SLC12A2: variants seen among roughly 807,000 people sequenced by gnomAD.
The protein encoded by SLC12A2 is solute carrier family 12 member 2, also known as Na-K-2Cl cotransporter 1.
In SLC12A2, 67 loss-of-function variants were observed where a neutral mutation model predicts 136.3. That is an observed-to-expected ratio of 0.49 (90% CI 0.40 to 0.60). SLC12A2 has a LOEUF of 0.60. SLC12A2 is among the 20% of genes least tolerant of loss of function. SLC12A2 has a pLI of 0.00. For synonymous variants in SLC12A2, 619 were observed against 562.9 expected (o/e 1.10, Z -1.41); for missense variants, 1,322 against 1,534.7 (o/e 0.86, Z 2.32).
intron 4 of SLC12A2, 104 bp from the exon 5 acceptor site, chr5:128,130,963 T>G: frequency 2.9e-6 from 3 of 1,019,884 alleles, no homozygotes; most frequent in South Asian, 1.5e-5. Context: ...GCTCTGCTTA[T>G]TGGGGGCATC....
In SLC12A2 at chr5:128,188,146, A is replaced by G. The variant is rs1763924818; in HGVS notation, c.*1515A>G. On this transcript the variant is annotated 3_prime_UTR_variant, in exon 27 of 27. Coordinates refer to ENST00000262461, the MANE Select transcript of SLC12A2 (RefSeq NM_001046.3). Reference sequence around the variant, plus strand: ...AACAGATACAGGTTTCATAGAGAACAAAGGTGATCATTTGAAGGGCATGCT... The same window carrying G: ...AACAGATACAGGTTTCATAGAGAACGAAGGTGATCATTTGAAGGGCATGCT... 1 of 152,216 alleles carries G rather than the reference A, an allele frequency of 6.6e-6. No homozygotes were observed. The highest frequency in any genetic ancestry group is 2.1e-4 in the South Asian group (1 of 4,832). 9.4% of individuals were successfully genotyped at this position (152,216 alleles called of 1,614,324 possible).
At position 128,187,820 on chromosome 5, in the gene SLC12A2, G is replaced by C. The variant is rs1763914986; in HGVS notation, c.*1189G>C. Reference sequence around the variant, plus strand: ...GCCAGTTTGTGCTTTTGAAATGTCTGTTTTGACATCATAGTCTAGTAAAAT... The same window carrying C: ...GCCAGTTTGTGCTTTTGAAATGTCTCTTTTGACATCATAGTCTAGTAAAAT... On this transcript the variant is annotated 3_prime_UTR_variant, in exon 27 of 27. Coordinates refer to ENST00000262461, the MANE Select transcript of SLC12A2 (RefSeq NM_001046.3). 6.6e-6 allele frequency: 1 copy of C among 152,494 alleles called. No homozygotes were observed. The highest frequency in any genetic ancestry group is 2.4e-5 in the African/African-American group (1 of 41,414). 9.4% of individuals were successfully genotyped at this position (152,494 alleles called of 1,614,324 possible).
At position 128,138,561 on chromosome 5, in the gene SLC12A2, C is replaced by T. The variant is rs776621321; in HGVS notation, c.1409-36C>T. 9 of 1,580,212 alleles carry T rather than the reference C, an allele frequency of 5.7e-6. No homozygotes were observed. The South Asian group carries it at 8.2e-5, about 14-fold the overall frequency. On this transcript the variant is annotated intron_variant, in intron 7 of 26. Coordinates refer to ENST00000262461, the MANE Select transcript of SLC12A2 (RefSeq NM_001046.3). The stretch of plus-strand genomic sequence containing the variant: ...CTCAGTTATTATAGTCTAATTTGCT[C>T]TCCATTAATTGTCAAGAATATTTTG...
intron 1 of SLC12A2, among the ~76,000 whole-genome samples, chr5:128,089,495 C>A (rs941898129): frequency 6.6e-6 from 1 of 152,210 alleles, no homozygotes; most frequent in African/African-American, 2.4e-5. Flanking sequence ...CTCTCTTTAT[C>A]TTTTCTATCC....
At chr5:128,102,819 C>T (rs1234812102) in intron 1 of SLC12A2, among the ~76,000 whole-genome samples, 1 of 151,144 alleles carries the variant, frequency 6.6e-6, no homozygotes, top group African/African-American at 2.4e-5. Context: ...TGGAGTTTCA[C>T]CTTTGTTGCC....
intron 18 of SLC12A2, 94 bp downstream of exon 18, chr5:128,167,961 C>T (rs1397275547): frequency 9.3e-6 from 6 of 644,796 alleles, no homozygotes; most frequent in Non-Finnish European, 1.5e-5. Flanking sequence ...CTCATATAGT[C>T]TCTTGTAATG....
Position 128,138,753 on chromosome 5 carries a change from A to T in SLC12A2, c.1536+29A>T, listed in dbSNP as rs763688650. The T allele has an allele frequency of 2.5e-6, 4 of 1,602,548 alleles. No homozygotes were observed. The East Asian group carries it at 9.0e-5, about 36-fold the overall frequency. On this transcript the variant is annotated intron_variant, in intron 8 of 26. Coordinates refer to ENST00000262461, the MANE Select transcript of SLC12A2 (RefSeq NM_001046.3). Reference sequence around the variant, plus strand: ...AGTATTATAAAGTGCTATATCAATTATATATTTTAAAAGTGGAATTTGTAT... The same window carrying T: ...AGTATTATAAAGTGCTATATCAATTTTATATTTTAAAAGTGGAATTTGTAT...
chr5:128,135,650 G>C, intron 6 of SLC12A2, 50 bp from the exon 7 acceptor site: 1 of 1,174,366 alleles, frequency 8.5e-7, no homozygotes, highest in Non-Finnish European at 1.3e-6. Flanking sequence ...ATTGAATCAA[G>C]ATATAGAAAC....
At chr5:128,167,096 AG>A (rs960880943) in intron 17 of SLC12A2, among the ~76,000 whole-genome samples, 1 of 152,232 alleles carries the variant, frequency 6.6e-6, no homozygotes, top group East Asian at 1.9e-4. Flanking sequence ...TTATAGAATA[AG>A]GGGGGTTATG....
chr5:128,090,141 T>G (rs1277796454), intron 1 of SLC12A2, among the ~76,000 whole-genome samples: 1 of 152,216 alleles, frequency 6.6e-6, no homozygotes, highest in Non-Finnish European at 1.5e-5. Flanking sequence ...ACTGAAGTAG[T>G]TCTACAATGC....
intron 1 of SLC12A2, among the ~76,000 whole-genome samples, chr5:128,111,764 C>CAA (rs374353989): frequency 1.0e-4 from 6 of 60,182 alleles, no homozygotes; most frequent in East Asian, 5.0e-4. Context: ...GACTCCATCT[C>CAA]AAAAAAAAAA....
chr5:128,088,099 T>G (rs1253051506), intron 1 of SLC12A2, among the ~76,000 whole-genome samples: 1 of 150,878 alleles, frequency 6.6e-6, no homozygotes, highest in Non-Finnish European at 1.5e-5. Context: ...TTGCTTAAGG[T>G]CATGGACTAA....
At chr5:128,087,532 A>G (rs1186287811) in intron 1 of SLC12A2, among the ~76,000 whole-genome samples, 1 of 152,206 alleles carries the variant, frequency 6.6e-6, no homozygotes, top group African/African-American at 2.4e-5. Flanking sequence ...GGGTGGAATG[A>G]CAGTCCTGAC....
chr5:128,152,673 T>C (rs967471739), intron 14 of SLC12A2, 33 bp from the exon 15 acceptor site: 41 of 1,312,354 alleles, frequency 3.1e-5, no homozygotes, highest in Non-Finnish European at 4.2e-5. Flanking sequence ...TTATTACTGA[T>C]GTTAATGCTG....
chr5:128,127,445 C>A (rs1761856917), intron 4 of SLC12A2, among the ~76,000 whole-genome samples: 1 of 151,964 alleles, frequency 6.6e-6, no homozygotes, highest in Non-Finnish European at 1.5e-5. Flanking sequence ...TTTATAATAA[C>A]CTTACTAGGT....
chr5:128,144,915 T>C (rs1319844392), intron 10 of SLC12A2, among the ~76,000 whole-genome samples: 1 of 152,174 alleles, frequency 6.6e-6, no homozygotes, highest in Non-Finnish European at 1.5e-5. Context: ...TATTAGACTT[T>C]TGTCTTTTTT....
At chr5:128,091,017 T>C (rs983922273) in intron 1 of SLC12A2, among the ~76,000 whole-genome samples, 1 of 152,190 alleles carries the variant, frequency 6.6e-6, no homozygotes, top group South Asian at 2.1e-4. Context: ...CTGATTGTTG[T>C]GTAGAGAATA....
At chr5:128,089,717 G>T (rs951065734) in intron 1 of SLC12A2, among the ~76,000 whole-genome samples, 2 of 152,174 alleles carry the variant, frequency 1.3e-5, no homozygotes, top group African/African-American at 4.8e-5. Flanking sequence ...ATAAAGATTT[G>T]TTCATGGAAT....
chr5:128,093,742 G>A (rs1371333187), intron 1 of SLC12A2, among the ~76,000 whole-genome samples: 1 of 152,060 alleles, frequency 6.6e-6, no homozygotes, highest in Non-Finnish European at 1.5e-5. Flanking sequence ...GACATTGAAA[G>A]TAATGCCAAA....
Sources: allele counts gnomAD v4.1 joint callset (sites outside exome capture counted in the v4.1 genomes callset), GRCh38; gene constraint gnomAD v4.1.1; transcripts MANE v1.5; gene names NCBI Gene and HGNC (gene_info 2026-07-23, HGNC 2026-07-21).